Variants in GALNTL6 observed in about 807,000 individuals in gnomAD.
The protein encoded by GALNTL6 is polypeptide N-acetylgalactosaminyltransferase-like 6.
A neutral mutation model predicts 73.7 loss-of-function variants in GALNTL6; 46 were observed. The observed-to-expected ratio is 0.62, with a 90% CI of 0.49 to 0.80. The LOEUF (loss-of-function observed/expected upper bound fraction) is 0.80. Ranked by LOEUF, GALNTL6 falls within the 30% of genes least tolerant of loss-of-function variation. The pLI is 0.00. For synonymous variants in GALNTL6, 259 were observed against 263.7 expected, an observed-to-expected ratio of 0.98 and a Z score of 0.17; for missense variants, 604 against 755.0, an observed-to-expected ratio of 0.80 and a Z score of 2.34.
chr4:172,125,311 G>A (rs1733264821), intron 2 of GALNTL6, among the ~76,000 whole-genome samples: 1 of 152,086 alleles, frequency 6.6e-6, no homozygotes, highest in Non-Finnish European at 1.5e-5. Context: ...AAGAAATATG[G>A]CACAAATAGA....
intron 10 of GALNTL6, among the ~76,000 whole-genome samples, chr4:172,952,838 G>T (rs1265045735): frequency 6.6e-6 from 1 of 152,148 alleles, no homozygotes; most frequent in Non-Finnish European, 1.5e-5. Context: ...AATACACCTA[G>T]AAAATATTTT....
intron 5 of GALNTL6, among the ~76,000 whole-genome samples, chr4:172,656,928 A>ATTTT (rs5864145): frequency 6.6e-6 from 1 of 150,572 alleles, no homozygotes; most frequent in Non-Finnish European, 1.5e-5. Context: ...GAAGGACATT[A>ATTTT]TTTTTTTTTT....
intron 5 of GALNTL6, among the ~76,000 whole-genome samples, chr4:172,748,809 C>T (rs1737257896): frequency 6.6e-6 from 1 of 152,170 alleles, no homozygotes; most frequent in African/African-American, 2.4e-5. Context: ...GATGGATATG[C>T]TAATTAGCCA....
intron 3 of GALNTL6, among the ~76,000 whole-genome samples, chr4:172,282,048 T>G (rs2111081198): frequency 6.6e-6 from 1 of 152,316 alleles, no homozygotes; most frequent in African/African-American, 2.4e-5. Flanking sequence ...AGAAAAATAT[T>G]GATAAACTGA....
intron 2 of GALNTL6, among the ~76,000 whole-genome samples, chr4:172,113,555 C>T (rs1213249813): frequency 6.6e-6 from 1 of 151,928 alleles, no homozygotes; most frequent in African/African-American, 2.4e-5. Context: ...TATTTTTAAA[C>T]ATTTTGTCAT....
chr4:171,962,844 A>G (rs1247779414), intron 2 of GALNTL6, among the ~76,000 whole-genome samples: 2 of 136,688 alleles, frequency 1.5e-5, no homozygotes, highest in Non-Finnish European at 3.0e-5. Context: ...TCAGCTCACT[A>G]CAACCTTGAA....
At chr4:172,797,858 C>A (rs535842518) in intron 5 of GALNTL6, among the ~76,000 whole-genome samples, 2 of 149,170 alleles carry the variant, frequency 1.3e-5, no homozygotes, top group African/African-American at 4.9e-5. Context: ...TGTTTTTTGT[C>A]TCTCCTGAAT....
At chr4:172,776,658 T>G (rs915212663) in intron 5 of GALNTL6, among the ~76,000 whole-genome samples, 1 of 152,188 alleles carries the variant, frequency 6.6e-6, no homozygotes. Context: ...AAAATAAACA[T>G]ACACAGAGGA....
chr4:172,952,874 C>T lies in GALNTL6; in HGVS notation c.1371+616C>T, dbSNP rs151012537. Among the ~76,000 whole-genome samples the T allele has an allele frequency of 3.9e-3, 587 of 152,264 alleles. 2 individuals are homozygous for T. The highest frequency in any genetic ancestry group is 0.013 in the African/African-American group (557 of 41,544). ...TATTTGAGATTAGGGAAATCACCATCGGCGTTTGTAGAGAATTGATATATC... is the reference window on the plus strand; with the variant it reads ...TATTTGAGATTAGGGAAATCACCATTGGCGTTTGTAGAGAATTGATATATC... On this transcript the variant is annotated intron_variant, in intron 10 of 12. Coordinates refer to ENST00000506823, the MANE Select transcript of GALNTL6 (RefSeq NM_001034845.3).
At chr4:172,440,604 A>T (rs751805841) in intron 5 of GALNTL6, among the ~76,000 whole-genome samples, 2 of 152,136 alleles carry the variant, frequency 1.3e-5, no homozygotes, top group Non-Finnish European at 2.9e-5. Flanking sequence ...ACCCTAATGT[A>T]AACTCTAGAA....
chr4:172,906,940 A>G (rs1237167122), intron 8 of GALNTL6, among the ~76,000 whole-genome samples: 1 of 152,136 alleles, frequency 6.6e-6, no homozygotes. Context: ...AAACTTCTTC[A>G]CCGACTTCAT....
intron 2 of GALNTL6, among the ~76,000 whole-genome samples, chr4:172,009,417 G>T (rs1740936281): frequency 6.6e-6 from 1 of 151,984 alleles, no homozygotes; most frequent in African/African-American, 2.4e-5. Flanking sequence ...ATTTTCAAAT[G>T]GTCTACCCCC....
chr4:172,928,049 G>A (rs1047096472), intron 8 of GALNTL6, among the ~76,000 whole-genome samples: 30 of 152,160 alleles, frequency 2.0e-4, no homozygotes, highest in African/African-American at 6.8e-4. Flanking sequence ...GTGTTTGAAA[G>A]GATTAATTTC....
At chr4:172,752,736 CTT>C (rs1161710512) in intron 5 of GALNTL6, among the ~76,000 whole-genome samples, 1 of 151,984 alleles carries the variant, frequency 6.6e-6, no homozygotes, top group Non-Finnish European at 1.5e-5. Context: ...GCATAATTTA[CTT>C]TTGATTACTT....
At chr4:172,278,426 C>G (rs1226083404) in intron 3 of GALNTL6, among the ~76,000 whole-genome samples, 2 of 152,092 alleles carry the variant, frequency 1.3e-5, no homozygotes, top group African/African-American at 4.8e-5. Flanking sequence ...TCTATTTGTT[C>G]CTGCCATTTT....
chr4:172,993,261 A>G (rs2126460243), intron 10 of GALNTL6, among the ~76,000 whole-genome samples: 1 of 152,306 alleles, frequency 6.6e-6, no homozygotes, highest in Admixed American at 6.5e-5. Context: ...ACACAGAGAA[A>G]AGGCTATGTA....
intron 5 of GALNTL6, among the ~76,000 whole-genome samples, chr4:172,428,430 G>T (rs1485120976): frequency 6.6e-6 from 1 of 152,118 alleles, no homozygotes; most frequent in Non-Finnish European, 1.5e-5. Context: ...AGATTAAAAT[G>T]TAAAATAAAG....
At chr4:172,088,357 C>A (rs1412138936) in intron 2 of GALNTL6, among the ~76,000 whole-genome samples, 1 of 151,922 alleles carries the variant, frequency 6.6e-6, no homozygotes, top group Non-Finnish European at 1.5e-5. Flanking sequence ...AGACAAAAAG[C>A]AAATTAATAG....
In GALNTL6 at chr4:172,142,276, T is replaced by A. The variant is rs116616534; in HGVS notation, c.139-87380T>A. Among the ~76,000 whole-genome samples the A allele has an allele frequency of 9.8e-3, 1,488 of 152,192 alleles. 26 individuals carry two copies. Among genetic ancestry groups the A allele is most frequent in the African/African-American group, 0.034 (1,397 of 41,560 alleles). ...ACATAACATCTTTGAGTACACGTCA[T>A]GCTGTTATAATTTGAAGTTTTGTGC... On this transcript the variant is annotated intron_variant, in intron 2 of 12. Transcript: ENST00000506823.
Sources: allele counts gnomAD v4.1 joint callset (sites outside exome capture counted in the v4.1 genomes callset), GRCh38; gene constraint gnomAD v4.1.1; transcripts MANE v1.5; gene names NCBI Gene and HGNC (gene_info 2026-07-23, HGNC 2026-07-21).